The following THADA variants were observed in gnomAD, a reference collection of about 807,000 sequenced individuals.
THADA encodes the protein THADA armadillo repeat containing.
Under a neutral mutation model 219.8 loss-of-function variants are expected in THADA, and 213 were observed. That is an observed-to-expected ratio of 0.97 (90% CI 0.87 to 1.09). The LOEUF (loss-of-function observed/expected upper bound fraction) is 1.09. THADA is among the 50% of genes least tolerant of loss of function. The probability of loss-of-function intolerance (pLI) is 0.00; values close to 1 mark genes in which losing one functional copy is unlikely to be tolerated. For synonymous variants in THADA, 1,018 were observed against 828.9 expected, an observed-to-expected ratio of 1.23 and a Z score of -3.92; for missense variants, 2,956 against 2,311.3, an observed-to-expected ratio of 1.28 and a Z score of -5.72.
At chr2:43,373,811 T>C (rs1425140455) in intron 29 of THADA, among the ~76,000 whole-genome samples, 2 of 152,222 alleles carry the variant, frequency 1.3e-5, no homozygotes, top group Admixed American at 6.5e-5. Context: ...TCTATTGGAA[T>C]ACACCAGGAA....
At chr2:43,272,288 T>C (rs1220527380) in intron 36 of THADA, among the ~76,000 whole-genome samples, 1 of 152,140 alleles carries the variant, frequency 6.6e-6, no homozygotes, top group Admixed American at 6.5e-5. Flanking sequence ...CAGATTAAGA[T>C]GGGAAGCCAA....
intron 28 of THADA, among the ~76,000 whole-genome samples, chr2:43,413,778 C>G (rs367570834): frequency 1.3e-5 from 2 of 152,232 alleles, no homozygotes; most frequent in African/African-American, 4.8e-5. Flanking sequence ...TTAAGGTATT[C>G]GGTACTCACA....
intron 29 of THADA, among the ~76,000 whole-genome samples, chr2:43,385,992 T>A (rs537765640): frequency 6.6e-5 from 10 of 152,180 alleles, no homozygotes; most frequent in Non-Finnish European, 1.2e-4. Flanking sequence ...TAAAAAGGCA[T>A]CCCAAATAGG....
chr2:43,357,735 G>T (rs905860688), intron 29 of THADA, among the ~76,000 whole-genome samples: 1 of 152,132 alleles, frequency 6.6e-6, no homozygotes, highest in African/African-American at 2.4e-5. Context: ...GACTCAACTG[G>T]AAAGATCTCC....
At chr2:43,557,928 G>A (rs1558968764) in intron 16 of THADA, among the ~76,000 whole-genome samples, 1 of 152,178 alleles carries the variant, frequency 6.6e-6, no homozygotes, top group Non-Finnish European at 1.5e-5. Context: ...CATTTGATAA[G>A]TTTATTTTCT....
At chr2:43,358,950 T>C (rs1034485496) in intron 29 of THADA, among the ~76,000 whole-genome samples, 2 of 152,148 alleles carry the variant, frequency 1.3e-5, no homozygotes, top group Non-Finnish European at 2.9e-5. Context: ...TGGCTGTTTA[T>C]AAGGGAAAAA....
At chr2:43,451,076 T>C (rs998650173) in intron 26 of THADA, among the ~76,000 whole-genome samples, 4 of 152,220 alleles carry the variant, frequency 2.6e-5, no homozygotes, top group Non-Finnish European at 4.4e-5. Flanking sequence ...ACCATATACT[T>C]AAAAATGGTT....
chr2:43,443,750 G>A (rs747232862), intron 26 of THADA, among the ~76,000 whole-genome samples: 34 of 152,216 alleles, frequency 2.2e-4, no homozygotes, highest in Admixed American at 9.8e-4. Context: ...AGAACTGTCA[G>A]ACTATGCAAA....
At chr2:43,568,875 T>C (rs1698977112) in intron 14 of THADA, among the ~76,000 whole-genome samples, 1 of 152,092 alleles carries the variant, frequency 6.6e-6, no homozygotes, top group Admixed American at 6.5e-5. Flanking sequence ...AGAACCTACA[T>C]CTACAAAGAA....
chr2:43,362,092 TC>T, intron 29 of THADA, among the ~76,000 whole-genome samples: 1 of 152,292 alleles, frequency 6.6e-6, no homozygotes, highest in East Asian at 1.9e-4. Flanking sequence ...ATGACCCAAA[TC>T]AGGTAACACT....
chr2:43,423,209 A>C (rs1677949145), intron 28 of THADA, among the ~76,000 whole-genome samples: 1 of 152,140 alleles, frequency 6.6e-6, no homozygotes, highest in South Asian at 2.1e-4. Context: ...ATTTGCTCAC[A>C]AATTTGATAA....
intron 26 of THADA, among the ~76,000 whole-genome samples, chr2:43,449,142 A>G (rs1681982623): frequency 6.6e-6 from 1 of 152,186 alleles, no homozygotes; most frequent in South Asian, 2.1e-4. Context: ...CTAAAAAGAA[A>G]CATAAAAATA....
intron 36 of THADA, among the ~76,000 whole-genome samples, chr2:43,243,515 G>C (rs1668824170): frequency 6.6e-6 from 1 of 152,134 alleles, no homozygotes; most frequent in Admixed American, 6.5e-5. Flanking sequence ...TGAGTGCTCA[G>C]TCTAGTACGC....
chr2:43,338,154 CTTT>C (rs35928615), intron 30 of THADA, among the ~76,000 whole-genome samples: 3 of 126,348 alleles, frequency 2.4e-5, no homozygotes, highest in Admixed American at 8.0e-5. Context: ...ATCACCAGAA[CTTT>C]TTTTTTTTTT....
intron 28 of THADA, among the ~76,000 whole-genome samples, chr2:43,408,146 T>C (rs1675813326): frequency 6.6e-6 from 1 of 152,212 alleles, no homozygotes; most frequent in African/African-American, 2.4e-5. Flanking sequence ...AAGCAAGTCA[T>C]CCACCAAGTT....
At chr2:43,578,212 A>C (rs551328164) in intron 9 of THADA, among the ~76,000 whole-genome samples, 9 of 151,344 alleles carry the variant, frequency 5.9e-5, no homozygotes, top group South Asian at 2.1e-4. Context: ...GTGCAATCTT[A>C]TCTCACTGCA....
At chr2:43,472,726 T>A (rs917622546) in intron 26 of THADA, among the ~76,000 whole-genome samples, 6 of 152,144 alleles carry the variant, frequency 3.9e-5, no homozygotes, top group African/African-American at 1.4e-4. Flanking sequence ...CATCGTAGAG[T>A]ATACTTATAC....
chr2:43,510,095 C>T (rs1355227754), intron 22 of THADA, among the ~76,000 whole-genome samples: 4 of 152,230 alleles, frequency 2.6e-5, no homozygotes, highest in Non-Finnish European at 2.9e-5. Flanking sequence ...AATTTATATA[C>T]GTACTAGATA....
chr2:43,417,358 C>G (rs1258776341), intron 28 of THADA, among the ~76,000 whole-genome samples: 1 of 152,080 alleles, frequency 6.6e-6, no homozygotes, highest in Admixed American at 6.6e-5. Flanking sequence ...TCTCTCTTTA[C>G]TAAGACACTT....
Sources: gnomAD v4.1 joint callset for allele counts (sites outside exome capture counted in the v4.1 genomes callset) on GRCh38, gnomAD v4.1.1 for gene constraint, MANE v1.5 for transcripts, NCBI Gene and HGNC (gene_info 2026-07-23, HGNC 2026-07-21) for gene names.